Variants in DECR1 observed in about 807,000 individuals in gnomAD.
DECR1 encodes the protein 2,4-dienoyl-CoA reductase [(3E)-enoyl-CoA-producing], mitochondrial.
DECR1 carries 44 observed loss-of-function variants against 38.8 expected under a neutral mutation model. That is an observed-to-expected ratio of 1.13 (90% CI 0.89 to 1.46). DECR1 has a LOEUF of 1.46. Among genes scored for constraint, DECR1 ranks in the 40% most tolerant of loss-of-function variants. DECR1 has a pLI of 0.00. For missense variants in DECR1, 428 were observed against 405.5 expected (o/e 1.06, Z -0.48); for synonymous variants, 148 against 135.2 (o/e 1.09, Z -0.66).
chr8:90,024,944 A>G (rs987356979), intron 5 of DECR1, among the ~76,000 whole-genome samples: 19 of 152,342 alleles, frequency 1.2e-4, no homozygotes, highest in Middle Eastern at 6.8e-3. Context: ...ACATATGGCT[A>G]GCCAGTTTTC....
intron 6 of DECR1, among the ~76,000 whole-genome samples, chr8:90,040,738 C>G (rs993207776): frequency 6.6e-6 from 1 of 152,140 alleles, no homozygotes; most frequent in Non-Finnish European, 1.5e-5. Flanking sequence ...ATTTTCTGTT[C>G]CTGTGTTAGT....
intron 1 of DECR1, chr8:90,015,593 A>G (rs1287888022): frequency 4.4e-6 from 2 of 455,010 alleles, no homozygotes; most frequent in Admixed American, 4.7e-5. Flanking sequence ...TTCTTTCCTG[A>G]GGATAAATTT....
intron 5 of DECR1, among the ~76,000 whole-genome samples, chr8:90,024,383 T>G (rs1260956765): frequency 1.3e-5 from 2 of 152,134 alleles, no homozygotes; most frequent in Non-Finnish European, 1.5e-5. Flanking sequence ...GCACCTGTTG[T>G]TTCCTGACTT....
chr8:90,030,592 G>A (rs1360524452), intron 5 of DECR1: 3 of 152,206 alleles, frequency 2.0e-5, no homozygotes, highest in Non-Finnish European at 4.4e-5. Flanking sequence ...GGAGGGAAAA[G>A]ATGACCAGTC....
chr8:90,023,697 T>C (rs1813222921), intron 5 of DECR1, among the ~76,000 whole-genome samples: 1 of 152,032 alleles, frequency 6.6e-6, no homozygotes, highest in Non-Finnish European at 1.5e-5. Context: ...GAAGTTATCT[T>C]CTATATCTAG....
intron 1 of DECR1, among the ~76,000 whole-genome samples, chr8:90,014,168 C>T: frequency 6.6e-6 from 1 of 152,252 alleles, no homozygotes; most frequent in East Asian, 1.9e-4. Context: ...TTGAAAAAAA[C>T]TTATTTCTCT....
At chr8:90,002,533 T>G (rs1219414965) in intron 1 of DECR1, among the ~76,000 whole-genome samples, 4 of 152,208 alleles carry the variant, frequency 2.6e-5, no homozygotes, top group Non-Finnish European at 4.4e-5. Flanking sequence ...TCCCCACATC[T>G]AAATTACAAA....
intron 6 of DECR1, among the ~76,000 whole-genome samples, chr8:90,041,956 A>G (rs1813774997): frequency 6.6e-6 from 1 of 152,166 alleles, no homozygotes; most frequent in Admixed American, 6.6e-5. Flanking sequence ...CATTAAGTAT[A>G]TATACACACA....
chr8:90,011,029 A>G (rs116872450), intron 1 of DECR1, among the ~76,000 whole-genome samples: 46 of 152,328 alleles, frequency 3.0e-4, no homozygotes, highest in Non-Finnish European at 5.6e-4. Context: ...TATTATTACT[A>G]TGGTTATTAC....
At chr8:90,024,677 C>G (rs967216892) in intron 5 of DECR1, among the ~76,000 whole-genome samples, 1 of 152,136 alleles carries the variant, frequency 6.6e-6, no homozygotes, top group African/African-American at 2.4e-5. Flanking sequence ...GTTGCCTGTT[C>G]ACTCTGATGG....
At chr8:90,026,934 T>C (rs1040672608) in intron 5 of DECR1, among the ~76,000 whole-genome samples, 1 of 152,214 alleles carries the variant, frequency 6.6e-6, no homozygotes, top group Admixed American at 6.5e-5. Context: ...TTTGTTCTCA[T>C]TGGCTTCAAA....
intron 6 of DECR1, among the ~76,000 whole-genome samples, chr8:90,041,526 A>G (rs1017868292): frequency 2.6e-5 from 4 of 152,034 alleles, no homozygotes; most frequent in South Asian, 2.1e-4. Context: ...CATTTTATCT[A>G]TTGCAAGGAT....
chr8:90,025,472 T>C (rs1159802625), intron 5 of DECR1, among the ~76,000 whole-genome samples: 3 of 152,124 alleles, frequency 2.0e-5, no homozygotes, highest in African/African-American at 7.2e-5. Flanking sequence ...ATATTTTATT[T>C]TCTTTGAAGC....
intron 5 of DECR1, 85 bp from the exon 6 acceptor site, chr8:90,036,756 A>C: frequency 2.3e-6 from 2 of 872,930 alleles, no homozygotes; most frequent in Middle Eastern, 2.6e-4. Flanking sequence ...CTCTTTAATC[A>C]GATCCCATTT....
intron 5 of DECR1, among the ~76,000 whole-genome samples, chr8:90,027,739 G>C (rs1478166233): frequency 6.6e-6 from 1 of 151,628 alleles, no homozygotes; most frequent in Non-Finnish European, 1.5e-5. Context: ...ATATTGTTAT[G>C]TGTGAGTTTG....
intron 1 of DECR1, among the ~76,000 whole-genome samples, chr8:90,015,206 A>G (rs559212214): frequency 2.3e-4 from 35 of 152,320 alleles, no homozygotes; most frequent in African/African-American, 5.5e-4. Context: ...TCACTTAACC[A>G]TAACTGTAAA....
intron 5 of DECR1, chr8:90,029,538 G>C (rs1242850165): frequency 6.6e-6 from 1 of 152,192 alleles, no homozygotes; most frequent in East Asian, 1.9e-4. Context: ...AAAAACAAAG[G>C]ACTGTTTTAG....
At position 90,044,971 on chromosome 8, in the gene DECR1, T is replaced by A; in HGVS notation, c.861T>A (p.Asp287Glu). The change falls in exon 8 of 10, where the codon GAT becomes GAA. Residue 287 changes from aspartate to glutamate, a missense_variant. Transcript: ENST00000220764. ...LANLAAFLCSDYASWINGAVI... is the reference protein window; with the variant it reads ...LANLAAFLCSEYASWINGAVI... ...ATCTTGCTGCTTTCCTTTGTAGTGA[T>A]TATGCTTCTTGGATTAATGGAGCAG... The A allele has an allele frequency of 6.2e-7, 1 of 1,613,986 alleles. No homozygotes were observed. The highest frequency in any genetic ancestry group is 1.1e-5 in the South Asian group (1 of 91,040).
At chr8:90,006,177 G>A (rs1018957090) in intron 1 of DECR1, 2 of 703,756 alleles carry the variant, frequency 2.8e-6, no homozygotes. Context: ...TTAGCAGGTT[G>A]ACTAAGGGGA....
Sources: allele counts gnomAD v4.1 joint callset (sites outside exome capture counted in the v4.1 genomes callset), GRCh38; gene constraint gnomAD v4.1.1; transcripts MANE v1.5; gene names NCBI Gene and HGNC (gene_info 2026-07-23, HGNC 2026-07-21).